The following FBXO3 variants were observed in gnomAD, a reference collection of about 807,000 sequenced individuals.
FBXO3 encodes F-box only protein 3.
FBXO3 carries 17 observed loss-of-function variants against 64.8 expected under a neutral mutation model. The ratio of observed to expected loss-of-function variants is 0.26; its 90% CI spans 0.18 to 0.39. FBXO3 has a LOEUF of 0.39. Ranked by LOEUF, FBXO3 falls within the 10% of genes least tolerant of loss-of-function variation. FBXO3 has a pLI of 1.00. For missense variants in FBXO3, 420 were observed against 589.9 expected, an observed-to-expected ratio of 0.71 and a Z score of 2.98; for synonymous variants, 182 against 201.6, an observed-to-expected ratio of 0.90 and a Z score of 0.82.
intron 3 of FBXO3, among the ~76,000 whole-genome samples, chr11:33,758,884 A>G (rs1303932369): frequency 6.6e-6 from 1 of 152,068 alleles, no homozygotes; most frequent in Non-Finnish European, 1.5e-5. Context: ...ACAAACCTCT[A>G]AATTTCCTAA....
chr11:33,741,768 C>G lies in FBXO3; in HGVS notation c.*140G>C. On this transcript the variant is annotated 3_prime_UTR_variant, in exon 11 of 11. Transcript: ENST00000265651. ...AACAATCCAATTCCTAATGTAGTGT[C>G]ACATAGAACCCAGGGCCTGAAACAA... is the stretch of plus-strand genomic sequence containing the variant. 1.3e-6 allele frequency: 1 copy of G among 774,420 alleles called. No individual in the cohort carries two copies. The highest frequency in any genetic ancestry group is 1.8e-6 in the Non-Finnish European group (1 of 543,652). 48.0% of individuals were successfully genotyped at this position (774,420 alleles called of 1,614,324 possible). A position where few individuals can be genotyped will look rare whatever the true frequency, so the allele number is the denominator to read the frequency against.
chr11:33,761,392 C>G (rs1339630801), intron 3 of FBXO3, among the ~76,000 whole-genome samples: 1 of 152,172 alleles, frequency 6.6e-6, no homozygotes, highest in Non-Finnish European at 1.5e-5. Context: ...AGTAGCTCTA[C>G]TAAAATCACA....
chr11:33,743,795 T>C lies in FBXO3; in HGVS notation c.1240-1711A>G, dbSNP rs1331607169. ...TCACCAAGGCCTCTCCTGACACATC[T>C]TTATATTAGAACAACCTAACAATAC... is the stretch of plus-strand genomic sequence containing the variant. On this transcript the variant is annotated intron_variant, in intron 10 of 10. Coordinates refer to ENST00000265651, the MANE Select transcript of FBXO3 (RefSeq NM_012175.4). This position sits in a 1 kb window ranked among gnomAD's most constrained non-coding sequence, Gnocchi z 4.6. The C allele has an allele frequency of 6.6e-6, 1 of 152,260 alleles. No individual in the cohort carries two copies. The highest frequency in any genetic ancestry group is 1.9e-4 in the East Asian group (1 of 5,202). The allele number at this position is 152,260 out of a possible 1,614,324, so 9.4% of individuals were successfully genotyped here.
At position 33,748,911 on chromosome 11, in the gene FBXO3, TG is replaced by T; in HGVS notation, c.933-20del. Reference sequence around the variant, plus strand: ...TTCAATCCTAGAGAAGGGAATGGGGTGGTAGAGACAAAAATCTGGCTTCTTT... The same window carrying T: ...TTCAATCCTAGAGAAGGGAATGGGGTGTAGAGACAAAAATCTGGCTTCTTT... On this transcript the variant is annotated intron_variant, in intron 8 of 10. Coordinates refer to ENST00000265651, the MANE Select transcript of FBXO3 (RefSeq NM_012175.4). The T allele has an allele frequency of 6.5e-7, 1 of 1,532,910 alleles. No homozygotes were observed. 95.0% of individuals were successfully genotyped at this position (1,532,910 alleles called of 1,614,324 possible).
At chr11:33,767,930 T>C (rs1855416366) in intron 3 of FBXO3, among the ~76,000 whole-genome samples, 1 of 152,238 alleles carries the variant, frequency 6.6e-6, no homozygotes, top group Admixed American at 6.5e-5. Flanking sequence ...AAATCATTCT[T>C]TCTTCTACCT....
At chr11:33,771,500 T>A (rs1033040805) in intron 1 of FBXO3, 1 of 152,226 alleles carries the variant, frequency 6.6e-6, no homozygotes, top group African/African-American at 2.4e-5. Context: ...CTGTAAATTC[T>A]ACCCTACATA....
At chr11:33,756,888 AT>A (rs1855110684) in intron 4 of FBXO3, among the ~76,000 whole-genome samples, 1 of 152,054 alleles carries the variant, frequency 6.6e-6, no homozygotes, top group African/African-American at 2.4e-5. Context: ...AGTCTGGCAA[AT>A]TGTTTTTAAC....
chr11:33,768,903 A>C lies in FBXO3; in HGVS notation c.306T>G (p.Asp102Glu), dbSNP rs1855440540. 1 of 1,613,924 alleles carries C rather than the reference A, an allele frequency of 6.2e-7. No individual in the cohort carries two copies. The highest frequency in any genetic ancestry group is 1.7e-5 in the Admixed American group (1 of 60,004). The change falls in exon 3 of 11, where the codon GAT (aspartate) becomes GAG (glutamate). Residue 102 changes from aspartate (D) to glutamate (E), a missense_variant. By Grantham distance (45) the Asp-to-Glu change is conservative. Transcript: ENST00000265651. The part of the protein sequence containing the change: ...HYAAIKKAWD[D>E]LKKYLEPRCP... ...ACCTGGGCTCCAAATATTTCTTGAG[A>C]TCATCCCAGGCCTTTTTAATAGCAG...
chr11:33,765,455 AAG>A (rs575822412), intron 3 of FBXO3, among the ~76,000 whole-genome samples: 2 of 152,164 alleles, frequency 1.3e-5, no homozygotes, highest in African/African-American at 2.4e-5. Context: ...TTTCTTGAAG[AAG>A]AGAGAGAGAC....
At chr11:33,747,055 C>CT in intron 10 of FBXO3, 75 bp downstream of exon 10, 1 of 1,571,708 alleles carries the variant, frequency 6.4e-7, no homozygotes, top group Non-Finnish European at 8.6e-7. Context: ...TATAAACTAA[C>CT]TATTTGCCTG....
At chr11:33,748,996 A>G (rs1854886035) in intron 8 of FBXO3, 104 bp from the exon 9 acceptor site, 1 of 560,800 alleles carries the variant, frequency 1.8e-6, no homozygotes, top group South Asian at 3.9e-5. Flanking sequence ...AAATTTCCAA[A>G]AAATTAAGAA....
chr11:33,752,840 A>G (rs1185806727), intron 6 of FBXO3, among the ~76,000 whole-genome samples: 3 of 152,236 alleles, frequency 2.0e-5, no homozygotes, highest in Non-Finnish European at 2.9e-5. Context: ...AAAAAGTTAT[A>G]TAACTAAAAA....
At chr11:33,756,972 T>A in intron 4 of FBXO3, 1 of 517,816 alleles carries the variant, frequency 1.9e-6, no homozygotes, top group Non-Finnish European at 3.9e-6. Context: ...ACTTCAGGAG[T>A]CCTCCTGCGT....
rs761545952 is a variant in FBXO3 at position 33,741,015 on chromosome 11, T to A, written c.*893A>T. On this transcript the variant is annotated 3_prime_UTR_variant, in exon 11 of 11. Transcript: ENST00000265651. The stretch of plus-strand genomic sequence containing the variant: ...GGATTTCATTCTTAACTCTCAATTA[T>A]ATAATTACAAAAAAAATCCAAGTTT... 7 of 152,764 alleles carry A rather than the reference T, an allele frequency of 4.6e-5. No individual in the cohort carries two copies. Among genetic ancestry groups the A allele is most frequent in the African/African-American group, 1.4e-4 (6 of 41,562 alleles). The allele number at this position is 152,764 out of a possible 1,614,324, so 9.5% of individuals were successfully genotyped here.
intron 3 of FBXO3, among the ~76,000 whole-genome samples, chr11:33,765,915 T>C (rs893391057): frequency 2.0e-5 from 3 of 152,304 alleles, no homozygotes; most frequent in Admixed American, 2.0e-4. Context: ...GATGCCACCA[T>C]GCTTTTTGTA....
At chr11:33,742,724 A>G (rs183561776) in intron 10 of FBXO3, 2 of 152,324 alleles carry the variant, frequency 1.3e-5, no homozygotes, top group Admixed American at 1.3e-4. Context: ...ATTTTTATTG[A>G]GCTCCTACCA....
intron 7 of FBXO3, 124 bp from the exon 8 acceptor site, chr11:33,750,785 A>AT: frequency 1.2e-6 from 1 of 816,078 alleles, no homozygotes; most frequent in Non-Finnish European, 1.9e-6. Flanking sequence ...AAGTTCAATA[A>AT]TATTTGGGTA....
intron 3 of FBXO3, among the ~76,000 whole-genome samples, chr11:33,767,445 G>A (rs1183922732): frequency 6.6e-6 from 1 of 152,186 alleles, no homozygotes; most frequent in East Asian, 1.9e-4. Flanking sequence ...GACTACAGGC[G>A]CATGCCACCA....
At chr11:33,748,927 C>A (rs936525778) in intron 8 of FBXO3, 35 bp from the exon 9 acceptor site, 20 of 1,441,784 alleles carry the variant, frequency 1.4e-5, no homozygotes, top group Non-Finnish European at 1.9e-5. Flanking sequence ...AGACAAAAAT[C>A]TGGCTTCTTT....
Sources: allele counts gnomAD v4.1 joint callset (sites outside exome capture counted in the v4.1 genomes callset), GRCh38; gene constraint gnomAD v4.1.1; non-coding constraint Gnocchi (gnomAD v3.1); transcripts MANE v1.5; gene names NCBI Gene and HGNC (gene_info 2026-07-23, HGNC 2026-07-21).